The following GAS7 variants were observed in gnomAD, a reference collection of about 807,000 sequenced individuals.
The protein encoded by GAS7 is growth arrest specific 7.
A neutral mutation model predicts 71.1 loss-of-function variants in GAS7; 28 were observed. The observed-to-expected ratio is 0.39, with a 90% confidence interval of 0.29 to 0.54. The LOEUF (loss-of-function observed/expected upper bound fraction) is 0.54, where lower values mean the gene tolerates loss of function less well. Ranked by LOEUF, GAS7 falls within the 20% of genes least tolerant of loss-of-function variation. The pLI is 0.62. For synonymous variants in GAS7, 258 were observed against 245.8 expected (o/e 1.05, Z -0.46); for missense variants, 436 against 627.8 (o/e 0.69, Z 3.27).
chr17:10,079,714 C>T (rs972114462), intron 1 of GAS7, among the ~76,000 whole-genome samples: 2 of 152,178 alleles, frequency 1.3e-5, no homozygotes, highest in African/African-American at 4.8e-5. Flanking sequence ...TAAGCGGCGC[C>T]CTGACCACCT....
intron 3 of GAS7, among the ~76,000 whole-genome samples, chr17:9,971,145 C>T (rs1386023813): frequency 6.6e-6 from 1 of 152,050 alleles, no homozygotes; most frequent in East Asian, 1.9e-4. Flanking sequence ...GCCTATAATC[C>T]CAGTACTTCG....
intron 1 of GAS7, among the ~76,000 whole-genome samples, chr17:10,111,217 A>G (rs1380344650): frequency 6.6e-6 from 1 of 152,104 alleles, no homozygotes. Flanking sequence ...CCTGGTCAAC[A>G]TGGTGAAACC....
At chr17:10,091,355 C>T (rs531452184) in intron 1 of GAS7, among the ~76,000 whole-genome samples, 2 of 152,178 alleles carry the variant, frequency 1.3e-5, no homozygotes, top group South Asian at 4.1e-4. Flanking sequence ...CCAAATGCCA[C>T]CGAACTGTTT....
At chr17:10,131,812 C>T (rs66504170) in intron 1 of GAS7, among the ~76,000 whole-genome samples, 22,297 of 151,936 alleles carry the variant, frequency 0.15, 1,706 homozygotes, top group South Asian at 0.24. Context: ...CATAAATAGA[C>T]GGGCTCGAGA....
At chr17:10,160,070 C>A (rs2074239817) in intron 1 of GAS7, among the ~76,000 whole-genome samples, 2 of 151,886 alleles carry the variant, frequency 1.3e-5, no homozygotes, top group South Asian at 4.2e-4. Flanking sequence ...CGTGCCACCA[C>A]ACCTAGCTAA....
intron 2 of GAS7, among the ~76,000 whole-genome samples, chr17:9,995,301 A>G (rs1039589355): frequency 6.6e-6 from 1 of 152,234 alleles, no homozygotes; most frequent in African/African-American, 2.4e-5. Flanking sequence ...ATCAACTATT[A>G]GAATTATGTT....
intron 1 of GAS7, among the ~76,000 whole-genome samples, chr17:10,148,907 C>G (rs1325328041): frequency 5.7e-5 from 2 of 34,802 alleles, no homozygotes; most frequent in Non-Finnish European, 9.7e-5. Context: ...AAGACTCCGC[C>G]TCAAAAAAAA....
chr17:10,194,858 CAAAAAAAAAAAA>C (rs5819269), intron 1 of GAS7, among the ~76,000 whole-genome samples: 70 of 85,178 alleles, frequency 8.2e-4, no homozygotes, highest in Admixed American at 1.0e-3. Flanking sequence ...GACTCTGTCT[CAAAAAAAAAAAA>C]AAAAAAAAAA....
At chr17:9,963,062 G>T (rs7213680) in intron 4 of GAS7, among the ~76,000 whole-genome samples, 17,401 of 148,550 alleles carry the variant, frequency 0.12, 2,810 homozygotes, top group African/African-American at 0.36. Context: ...AAGAAAAAAA[G>T]GTGTAAGGGA....
chr17:9,917,963 C>T (rs1436108584), intron 13 of GAS7, 38 bp downstream of exon 13: 2 of 1,457,170 alleles, frequency 1.4e-6, no homozygotes, highest in East Asian at 4.5e-5. Context: ...TCCCCAGGCC[C>T]CGTGTCGCCC....
In GAS7 at chr17:9,926,698, G is replaced by A. The variant is rs767984098; in HGVS notation, c.957C>T (p.Asp319=). The change falls in exon 10 of 14, where the codon GAC becomes GAT. Residue 319 remains aspartate (D), a synonymous_variant. Transcript: ENST00000432992. The surrounding 1 kb of genome is among the most constrained non-coding windows in gnomAD (Gnocchi z 5.0). ...ENFKKDMKKC[D]HHIADLRKQL... ...GCTTGCGAAGGTCGGCAATGTGGTG[G>A]TCGCACTTCTTCATGTCTTTCTTGA... The A allele has an allele frequency of 1.2e-6, 2 of 1,613,904 alleles. No homozygotes were observed. The highest frequency in any genetic ancestry group is 2.7e-5 in the African/African-American group (2 of 74,934).
intron 2 of GAS7, among the ~76,000 whole-genome samples, chr17:10,009,851 A>G (rs1451521274): frequency 1.3e-5 from 2 of 152,062 alleles, no homozygotes; most frequent in East Asian, 1.9e-4. Flanking sequence ...ACAATTTTCA[A>G]CTCTCCTGGA....
In GAS7 at chr17:9,956,082, C is replaced by T. The variant is rs529052042; in HGVS notation, c.525+3120G>A. 2.0e-5 allele frequency among the ~76,000 whole-genome samples: 3 copies of T among 152,312 alleles called. No homozygotes were observed. In the East Asian group the frequency reaches 5.8e-4, roughly 29 times the overall value. On this transcript the variant is annotated intron_variant, in intron 5 of 13. Transcript: ENST00000432992. ...CTGAACACACGTGTGACCAAGGGGG[C>T]TGACATACGGAGGCCCCAAGGCATG...
chr17:10,047,298 A>G (rs2152233545), intron 1 of GAS7, among the ~76,000 whole-genome samples: 1 of 152,324 alleles, frequency 6.6e-6, no homozygotes, highest in African/African-American at 2.4e-5. Context: ...TCGGAGTATC[A>G]GAGGACCAGA....
intron 9 of GAS7, among the ~76,000 whole-genome samples, chr17:9,930,614 G>A (rs986657241): frequency 2.0e-5 from 3 of 152,196 alleles, no homozygotes; most frequent in African/African-American, 4.8e-5. Flanking sequence ...AATGGCTTGA[G>A]CTAATGGACC....
chr17:10,183,103 T>C lies in GAS7; in HGVS notation c.183+15105A>G, dbSNP rs115286275. Among the ~76,000 whole-genome samples the C allele has an allele frequency of 5.5e-3, 839 of 151,644 alleles. 7 individuals carry two copies. Among genetic ancestry groups the C allele is most frequent in the African/African-American group, 0.018 (760 of 41,332 alleles). ...CTGCAGCTTCCCTTGCTTTCACTTG[T>C]AGGACCTACGCCCCGAAAACCCTCA... is the stretch of plus-strand genomic sequence containing the variant. On this transcript the variant is annotated intron_variant, in intron 1 of 13. Transcript: ENST00000432992.
chr17:9,933,550 C>T (rs368787529), intron 9 of GAS7, among the ~76,000 whole-genome samples: 18 of 152,058 alleles, frequency 1.2e-4, no homozygotes, highest in African/African-American at 2.2e-4. Context: ...ATATTAAAAA[C>T]GAAGGTAATA....
At chr17:10,181,540 C>T (rs113110016) in intron 1 of GAS7, among the ~76,000 whole-genome samples, 244 of 152,112 alleles carry the variant, frequency 1.6e-3, no homozygotes, top group African/African-American at 5.7e-3. Flanking sequence ...CAGGTAGTTC[C>T]ATGTGGTTCT....
At position 9,974,266 on chromosome 17, in the gene GAS7, G is replaced by A. The variant is rs531540947; in HGVS notation, c.386-4504C>T. 3.9e-5 allele frequency among the ~76,000 whole-genome samples: 6 copies of A among 152,234 alleles called. No homozygotes were observed. In the South Asian group the frequency reaches 8.3e-4, roughly 21 times the overall value. ...GCTGCGTTATCACTTGAAGTCTCCC[G>A]GGCACATTCAGAATACGTCTCAGTG... On this transcript the variant is annotated intron_variant, in intron 3 of 13. Transcript: ENST00000432992. This position sits in a 1 kb window ranked among gnomAD's most constrained non-coding sequence, Gnocchi z 4.0.
Sources: gnomAD v4.1 joint callset for allele counts (sites outside exome capture counted in the v4.1 genomes callset) on GRCh38, gnomAD v4.1.1 for gene constraint, Gnocchi (gnomAD v3.1) non-coding constraint, MANE v1.5 for transcripts, NCBI Gene and HGNC (gene_info 2026-07-23, HGNC 2026-07-21) for gene names.